Variants in TENM2 observed in about 807,000 individuals in gnomAD.
The protein encoded by TENM2 is teneurin-2.
Under a neutral mutation model 245.2 loss-of-function variants are expected in TENM2, and 52 were observed. That is an observed-to-expected ratio of 0.21 (90% CI 0.17 to 0.27). The LOEUF is 0.27. Ranked by LOEUF, TENM2 falls within the 10% of genes least tolerant of loss-of-function variation. TENM2 has a pLI of 1.00. For synonymous variants in TENM2, 1,363 were observed against 1,438.9 expected (o/e 0.95, Z 1.19); for missense variants, 3,046 against 3,666.8 (o/e 0.83, Z 4.37).
the TENM2 span, among the ~76,000 whole-genome samples, chr5:166,990,348 A>G: frequency 2.6e-5 from 4 of 152,326 alleles, no homozygotes; most frequent in South Asian, 2.1e-4. Context: ...GGATTTTGAG[A>G]ATTAATTAGA....
chr5:167,171,800 A>G, the TENM2 span, among the ~76,000 whole-genome samples: 2 of 152,174 alleles, frequency 1.3e-5, no homozygotes, highest in East Asian at 3.9e-4. Context: ...ATTATCTTCC[A>G]TTGGCTGAAT....
intron 13 of TENM2, among the ~76,000 whole-genome samples, chr5:168,184,744 C>T (rs1043037070): frequency 1.3e-5 from 2 of 152,190 alleles, no homozygotes; most frequent in African/African-American, 2.4e-5. Flanking sequence ...GCCTCTCCAT[C>T]GACACAGGGC....
chr5:167,440,326 A>G (rs1467103510), intron 2 of TENM2, among the ~76,000 whole-genome samples: 1 of 152,198 alleles, frequency 6.6e-6, no homozygotes, highest in Non-Finnish European at 1.5e-5. Flanking sequence ...AACTAGGACA[A>G]TGATCCTAAT....
chr5:166,982,625 T>C, the TENM2 span, among the ~76,000 whole-genome samples: 1 of 152,104 alleles, frequency 6.6e-6, no homozygotes, highest in Non-Finnish European at 1.5e-5. Context: ...CCTATGTTAT[T>C]GTCTTTCATT....
At chr5:168,104,577 G>A (rs535421429) in intron 9 of TENM2, among the ~76,000 whole-genome samples, 26 of 152,274 alleles carry the variant, frequency 1.7e-4, no homozygotes, top group South Asian at 2.1e-4. Context: ...ACAGAAATGC[G>A]GATTTACTCT....
intron 1 of TENM2, among the ~76,000 whole-genome samples, chr5:167,336,651 CCT>C (rs1333138271): frequency 2.0e-5 from 3 of 151,962 alleles, no homozygotes; most frequent in Non-Finnish European, 4.4e-5. Context: ...ATCAAAACTC[CCT>C]GTCTTATCAT....
At chr5:167,736,369 A>G (rs1452478219) in intron 2 of TENM2, among the ~76,000 whole-genome samples, 5 of 152,190 alleles carry the variant, frequency 3.3e-5, no homozygotes, top group African/African-American at 7.2e-5. Context: ...AAATCATATC[A>G]CAAAGGGACT....
At chr5:167,951,217 T>G (rs551412551) in intron 3 of TENM2, among the ~76,000 whole-genome samples, 2 of 152,232 alleles carry the variant, frequency 1.3e-5, no homozygotes, top group Non-Finnish European at 2.9e-5. Flanking sequence ...AGTTGAAATT[T>G]GTGTCAAATT....
At chr5:168,117,465 C>G (rs1795164922) in intron 9 of TENM2, among the ~76,000 whole-genome samples, 3 of 152,108 alleles carry the variant, frequency 2.0e-5, no homozygotes, top group African/African-American at 7.2e-5. Flanking sequence ...ACATGCATAT[C>G]TAGGACAAAG....
At chr5:167,332,038 A>C (rs938786898) in intron 1 of TENM2, among the ~76,000 whole-genome samples, 1 of 152,246 alleles carries the variant, frequency 6.6e-6, no homozygotes, top group Non-Finnish European at 1.5e-5. Flanking sequence ...TTTTATTTAA[A>C]TAATCACCAA....
chr5:167,351,854 A>C (rs200377207), intron 1 of TENM2, among the ~76,000 whole-genome samples: 1 of 25,616 alleles, frequency 3.9e-5, no homozygotes, highest in South Asian at 1.7e-3. Context: ...ACAAAAAAAC[A>C]AAAAAAAAAA....
At chr5:168,133,949 G>A (rs1754811495) in intron 12 of TENM2, among the ~76,000 whole-genome samples, 1 of 152,046 alleles carries the variant, frequency 6.6e-6, no homozygotes, top group South Asian at 2.1e-4. Context: ...GAGGTCAGGA[G>A]TTTGAGACCA....
intron 2 of TENM2, among the ~76,000 whole-genome samples, chr5:167,743,038 C>T (rs779990560): frequency 7.9e-5 from 12 of 151,930 alleles, no homozygotes; most frequent in African/African-American, 1.2e-4. Flanking sequence ...CATTCTGAGC[C>T]GCCATATCGA....
chr5:168,021,763 C>T (rs1357180243), intron 5 of TENM2, among the ~76,000 whole-genome samples: 2 of 145,602 alleles, frequency 1.4e-5, no homozygotes, highest in African/African-American at 5.3e-5. Flanking sequence ...GACTGTCCTA[C>T]ATATTTGAAA....
At chr5:167,683,267 CT>C (rs747147363) in intron 2 of TENM2, among the ~76,000 whole-genome samples, 24 of 149,622 alleles carry the variant, frequency 1.6e-4, no homozygotes, top group African/African-American at 2.7e-4. Flanking sequence ...TTTTCCCCCC[CT>C]GGGCATCAGA....
chr5:167,493,470 T>C (rs1343793619), intron 2 of TENM2, among the ~76,000 whole-genome samples: 1 of 152,158 alleles, frequency 6.6e-6, no homozygotes, highest in East Asian at 1.9e-4. Context: ...CATATAAAAA[T>C]GGAAGTAGTC....
chr5:167,741,047 C>T (rs976590055), intron 2 of TENM2, among the ~76,000 whole-genome samples: 1 of 152,198 alleles, frequency 6.6e-6, no homozygotes, highest in Admixed American at 6.5e-5. Flanking sequence ...ACACTCTTTC[C>T]CTATAGCTGC....
intron 12 of TENM2, 48 bp downstream of exon 14, chr5:168,127,014 G>A (rs114470345): frequency 2.2e-5 from 32 of 1,478,082 alleles, no homozygotes; most frequent in Non-Finnish European, 2.8e-5. Flanking sequence ...AGTGATGGTC[G>A]CGCATGGCAA....
the TENM2 span, among the ~76,000 whole-genome samples, chr5:167,177,315 G>GA: frequency 6.6e-6 from 1 of 152,150 alleles, no homozygotes. Flanking sequence ...ACCAGTAAGG[G>GA]AAATCGGTAA....
Sources: gnomAD v4.1 joint callset for allele counts (sites outside exome capture counted in the v4.1 genomes callset) on GRCh38, gnomAD v4.1.1 for gene constraint, MANE v1.5 for transcripts, NCBI Gene and HGNC (gene_info 2026-07-23, HGNC 2026-07-21) for gene names.